The following CNTNAP2 variants were observed in gnomAD, a reference collection of about 807,000 sequenced individuals.
CNTNAP2 encodes contactin-associated protein-like 2.
CNTNAP2 carries 98 observed loss-of-function variants against 155.2 expected under a neutral mutation model. The observed-to-expected ratio is 0.63, with a 90% confidence interval of 0.54 to 0.75. The LOEUF is 0.75. CNTNAP2 is among the 30% of genes least tolerant of loss of function. The pLI is 0.00. For missense variants in CNTNAP2, 1,727 were observed against 1,688.1 expected (o/e 1.02, Z -0.40); for synonymous variants, 651 against 631.2 (o/e 1.03, Z -0.47).
intron 13 of CNTNAP2, among the ~76,000 whole-genome samples, chr7:147,832,129 AT>A (rs1271484974): frequency 6.8e-6 from 1 of 147,536 alleles, no homozygotes; most frequent in Non-Finnish European, 1.5e-5. Context: ...ATACAATTAT[AT>A]TTTTATATTT....
At chr7:147,365,402 A>C (rs1167434823) in intron 9 of CNTNAP2, among the ~76,000 whole-genome samples, 5 of 150,978 alleles carry the variant, frequency 3.3e-5, no homozygotes, top group Admixed American at 1.3e-4. Context: ...AAAAAAAAAA[A>C]AAAAAACAAA....
chr7:147,622,051 A>G (rs1357047908), intron 12 of CNTNAP2, among the ~76,000 whole-genome samples: 2 of 152,080 alleles, frequency 1.3e-5, no homozygotes, highest in Admixed American at 1.3e-4. Flanking sequence ...AGGTCACTAT[A>G]TAATGATAAA....
intron 1 of CNTNAP2, among the ~76,000 whole-genome samples, chr7:146,121,962 C>A (rs926441199): frequency 4.6e-5 from 7 of 152,140 alleles, no homozygotes; most frequent in Non-Finnish European, 8.8e-5. Context: ...ATCTCCTGGG[C>A]TCTGTAGAAG....
At chr7:148,301,326 T>TATATATATATATATATA (rs1280693837) in intron 21 of CNTNAP2, among the ~76,000 whole-genome samples, 3 of 138,068 alleles carry the variant, frequency 2.2e-5, no homozygotes, top group Non-Finnish European at 4.7e-5. Flanking sequence ...TATATATAGG[T>TATATATATATATATATA]TAAAATGTCC....
intron 1 of CNTNAP2, among the ~76,000 whole-genome samples, chr7:146,735,907 G>A (rs76126282): frequency 0.03 from 4,518 of 152,024 alleles, 219 homozygotes; most frequent in African/African-American, 0.1. Context: ...AGAGGATTTC[G>A]AACGTTCCCA....
intron 14 of CNTNAP2, among the ~76,000 whole-genome samples, chr7:147,914,706 C>T (rs1800129313): frequency 1.3e-5 from 2 of 152,116 alleles, no homozygotes; most frequent in Non-Finnish European, 1.5e-5. Flanking sequence ...CAAACCACCA[C>T]ATCTAGCTAA....
chr7:146,621,574 G>C (rs575400809), intron 1 of CNTNAP2, among the ~76,000 whole-genome samples: 6 of 152,262 alleles, frequency 3.9e-5, no homozygotes, highest in African/African-American at 1.4e-4. Flanking sequence ...AACTGGGATT[G>C]ACCTAATGTT....
At chr7:148,347,073 A>G (rs888898235) in intron 21 of CNTNAP2, among the ~76,000 whole-genome samples, 4 of 151,916 alleles carry the variant, frequency 2.6e-5, no homozygotes, top group African/African-American at 4.8e-5. Flanking sequence ...CCTGGCCAAC[A>G]TGGTGAAACC....
Position 146,337,813 on chromosome 7 carries a change from A to G in CNTNAP2, c.97+220840A>G, listed in dbSNP as rs995770299. Among the ~76,000 whole-genome samples, 44 of 152,100 alleles carry G rather than the reference A, an allele frequency of 2.9e-4. 1 individual carries two copies. The highest frequency in any genetic ancestry group is 1.0e-4 in the Non-Finnish European group (7 of 68,022). On this transcript the variant is annotated intron_variant, in intron 1 of 23. Coordinates refer to ENST00000361727, the MANE Select transcript of CNTNAP2 (RefSeq NM_014141.6). ...TTCATTAGTCTATGTACCAATATTTAAAAGAAGAATTTGTATCTTGCATGT... is the reference window on the plus strand; with the variant it reads ...TTCATTAGTCTATGTACCAATATTTGAAAGAAGAATTTGTATCTTGCATGT...
chr7:146,370,900 C>G (rs1397769370), intron 1 of CNTNAP2, among the ~76,000 whole-genome samples: 1 of 152,102 alleles, frequency 6.6e-6, no homozygotes, highest in Non-Finnish European at 1.5e-5. Context: ...TCTTTGTGAT[C>G]TATCAAATTT....
At chr7:147,401,816 C>T (rs1245550932) in intron 10 of CNTNAP2, among the ~76,000 whole-genome samples, 1 of 152,186 alleles carries the variant, frequency 6.6e-6, no homozygotes, top group Non-Finnish European at 1.5e-5. Context: ...TCCCCTTTGC[C>T]TTCTGCCATG....
intron 9 of CNTNAP2, among the ~76,000 whole-genome samples, chr7:147,353,126 C>CATATACGTATATGTACATATAT (rs1563171442): frequency 3.2e-4 from 48 of 151,042 alleles, no homozygotes; most frequent in African/African-American, 1.1e-3. Context: ...TGTATATATA[C>CATATACGTATATGTACATATAT]ATACATATAC....
At chr7:146,196,274 C>T (rs1798773858) in intron 1 of CNTNAP2, among the ~76,000 whole-genome samples, 1 of 152,048 alleles carries the variant, frequency 6.6e-6, no homozygotes, top group Admixed American at 6.6e-5. Context: ...ATGGAATTAC[C>T]TTATTTATTT....
At chr7:147,572,143 G>T (rs779590060) in intron 12 of CNTNAP2, among the ~76,000 whole-genome samples, 1 of 152,150 alleles carries the variant, frequency 6.6e-6, no homozygotes, top group African/African-American at 2.4e-5. Flanking sequence ...ACTCTTCTCC[G>T]TAACGGATTA....
intron 21 of CNTNAP2, among the ~76,000 whole-genome samples, chr7:148,330,930 C>T (rs62649292): frequency 0.24 from 27,374 of 112,370 alleles, 2,829 homozygotes; most frequent in South Asian, 0.41. Context: ...ATGGAATGGA[C>T]GGATGGAATT....
At position 148,312,172 on chromosome 7, in the gene CNTNAP2, A is replaced by G. The variant is rs528334526; in HGVS notation, c.3475+45046A>G. 4.4e-4 allele frequency among the ~76,000 whole-genome samples: 67 copies of G among 152,318 alleles called. 1 individual carries two copies. In the South Asian group the frequency reaches 7.9e-3, roughly 18 times the overall value. ...AGGGCTAGGCTAAAACAGTAAGGTC[A>G]TAGTTGTTTGGACAGAAAGGCTACA... On this transcript the variant is annotated intron_variant, in intron 21 of 23. Transcript: ENST00000361727.
chr7:146,922,007 C>T (rs918347402), intron 3 of CNTNAP2, among the ~76,000 whole-genome samples: 1 of 151,952 alleles, frequency 6.6e-6, no homozygotes, highest in Non-Finnish European at 1.5e-5. Context: ...CCATGGATGC[C>T]ACTGCCACCC....
intron 9 of CNTNAP2, among the ~76,000 whole-genome samples, chr7:147,380,115 T>G (rs549881454): frequency 2.0e-5 from 3 of 152,246 alleles, no homozygotes; most frequent in East Asian, 1.9e-4. Context: ...GATGTGACAT[T>G]ACAGAATGTT....
intron 1 of CNTNAP2, among the ~76,000 whole-genome samples, chr7:146,586,636 C>T (rs867410772): frequency 5.3e-5 from 8 of 152,030 alleles, no homozygotes; most frequent in African/African-American, 1.9e-4. Context: ...AACATGCACA[C>T]ATATGTATTA....
Sources: allele counts gnomAD v4.1 joint callset (sites outside exome capture counted in the v4.1 genomes callset), GRCh38; gene constraint gnomAD v4.1.1; transcripts MANE v1.5; gene names NCBI Gene and HGNC (gene_info 2026-07-23, HGNC 2026-07-21).